Variants in CYSLTR1 observed in about 807,000 individuals in gnomAD.
CYSLTR1 encodes the protein G-protein coupled receptor HG55.
CYSLTR1 carries 1 observed loss-of-function variant against 2.1 expected under a neutral mutation model. The ratio of observed to expected loss-of-function variants is 0.48; its 90% CI spans 0.17 to 2.28. The LOEUF (loss-of-function observed/expected upper bound fraction) is 2.28. Among genes scored for constraint, CYSLTR1 ranks in the 30% most tolerant of loss-of-function variants. CYSLTR1 has a pLI of 0.26. For synonymous variants in CYSLTR1, 110 were observed against 89.6 expected, an observed-to-expected ratio of 1.23 and a Z score of -1.28; for missense variants, 299 against 250.1, an observed-to-expected ratio of 1.20 and a Z score of -1.32.
intron 1 of CYSLTR1, among the ~76,000 whole-genome samples, chrX:78,305,399 G>T (rs765177025): frequency 6.3e-5 from 7 of 111,620 alleles, no homozygotes; most frequent in Non-Finnish European, 1.1e-4. Flanking sequence ...ATCCCTAAAA[G>T]CAAACAAACT....
At chrX:78,308,478 A>G (rs924893866) in intron 1 of CYSLTR1, among the ~76,000 whole-genome samples, 5 of 111,302 alleles carry the variant, frequency 4.5e-5, no homozygotes, top group African/African-American at 1.6e-4. Flanking sequence ...CTGGAAATGG[A>G]GCCTCTAAGT....
intron 1 of CYSLTR1, among the ~76,000 whole-genome samples, chrX:78,314,325 G>C (rs1387933760): frequency 9.0e-6 from 1 of 111,402 alleles, no homozygotes; most frequent in Non-Finnish European, 1.9e-5. Context: ...GCTCTTCTTT[G>C]TACTTTTCAA....
At chrX:78,313,525 A>T (rs966613848) in intron 1 of CYSLTR1, among the ~76,000 whole-genome samples, 4 of 112,310 alleles carry the variant, frequency 3.6e-5, no homozygotes, top group South Asian at 7.4e-4. Context: ...ATAATAGCTA[A>T]AAGTAAAATT....
chrX:78,290,941 C>T (rs1403331956), intron 1 of CYSLTR1, among the ~76,000 whole-genome samples: 6 of 111,611 alleles, frequency 5.4e-5, no homozygotes, highest in South Asian at 7.5e-4. Flanking sequence ...AGTTGAATAC[C>T]CTTTATTTCT....
At chrX:78,285,022 G>GAGTTGTCTTT in intron 1 of CYSLTR1, among the ~76,000 whole-genome samples, 2 of 110,875 alleles carry the variant, frequency 1.8e-5, no homozygotes, top group Admixed American at 1.9e-4. Flanking sequence ...AAATTACTCA[G>GAGTTGTCTTT]AGTTGTCTTT....
intron 2 of CYSLTR1, among the ~76,000 whole-genome samples, chrX:78,280,343 C>A (rs1370404579): frequency 9.0e-6 from 1 of 111,026 alleles, no homozygotes; most frequent in Non-Finnish European, 1.9e-5. Flanking sequence ...CTAGATAGTG[C>A]TGTTGAAAAT....
intron 1 of CYSLTR1, among the ~76,000 whole-genome samples, chrX:78,298,654 G>A (rs1298821276): frequency 9.0e-6 from 1 of 111,105 alleles, no homozygotes. Context: ...TATATTTTTG[G>A]GTTGAAATCT....
At chrX:78,298,968 A>G (rs1471529619) in intron 1 of CYSLTR1, among the ~76,000 whole-genome samples, 3 of 108,138 alleles carry the variant, frequency 2.8e-5, no homozygotes, top group African/African-American at 1.0e-4. Flanking sequence ...TTTTCTTCCC[A>G]TTTTCAGTGC....
At position 78,272,702 on chromosome X, in the gene CYSLTR1, T is replaced by A. The variant is rs759037588; in HGVS notation, c.*31A>T. On this transcript the variant is annotated 3_prime_UTR_variant, in exon 3 of 3. Coordinates refer to ENST00000373304, the MANE Select transcript of CYSLTR1 (RefSeq NM_006639.4). Reference sequence around the variant, plus strand: ...CAAAATACTTATTTGGGAAACTATTTTCATTGGTTTGGACTGGAAATGGGT... The same window carrying A: ...CAAAATACTTATTTGGGAAACTATTATCATTGGTTTGGACTGGAAATGGGT... 5.6e-6 allele frequency: 6 copies of A among 1,079,853 alleles called. No homozygotes were observed. The South Asian group carries it at 1.8e-4, about 32-fold the overall frequency. The allele number at this position is 1,079,853 out of a possible 1,213,427, so 89.0% of individuals were successfully genotyped here. A position where few individuals can be genotyped will look rare whatever the true frequency, so the allele number is the denominator to read the frequency against.
rs1214487897 is a variant in CYSLTR1, at chrX:78,273,646, G to C, written c.101C>G (p.Ser34Cys). 1 of 1,209,968 alleles carries C rather than the reference G, an allele frequency of 8.3e-7. No homozygotes were observed. Among genetic ancestry groups the C allele is most frequent in the Non-Finnish European group, 1.1e-6 (1 of 895,209 alleles). Reference protein sequence around the residue: ...QVYSTLYSMISVVGFFGNGFV... With the variant: ...QVYSTLYSMICVVGFFGNGFV... ...GCCATTGCCAAAGAAGCCTACAACAGAGATCATAGAGTACAAGGTGGAATA... is the reference window on the plus strand; with the variant it reads ...GCCATTGCCAAAGAAGCCTACAACACAGATCATAGAGTACAAGGTGGAATA... Residue 34 changes from serine to cysteine, a missense_variant, in exon 3 of 3, where the codon TCT (serine) becomes TGT (cysteine). Ser to Cys is a moderately radical substitution (Grantham distance 112, BLOSUM62 -1). Transcript: ENST00000373304.
At chrX:78,316,015 C>T (rs1219834461) in intron 1 of CYSLTR1, among the ~76,000 whole-genome samples, 5 of 112,260 alleles carry the variant, frequency 4.5e-5, no homozygotes, top group Non-Finnish European at 9.4e-5. Flanking sequence ...ATGCTTGTGT[C>T]ACTCCACCCT....
At chrX:78,281,788 A>G (rs971049778) in intron 2 of CYSLTR1, among the ~76,000 whole-genome samples, 1 of 112,282 alleles carries the variant, frequency 8.9e-6, no homozygotes, top group Non-Finnish European at 1.9e-5. Context: ...AAGGTATTAG[A>G]TAATTACCAG....
intron 1 of CYSLTR1, among the ~76,000 whole-genome samples, chrX:78,312,148 A>T (rs1191645586): frequency 9.0e-6 from 1 of 111,481 alleles, no homozygotes; most frequent in African/African-American, 3.3e-5. Flanking sequence ...CACCAATGGA[A>T]CACAATATAG....
intron 1 of CYSLTR1, among the ~76,000 whole-genome samples, chrX:78,287,854 C>T (rs1239152223): frequency 9.0e-6 from 1 of 110,995 alleles, no homozygotes; most frequent in Non-Finnish European, 1.9e-5. Flanking sequence ...TATTCACTGT[C>T]TTGATTATGA....
chrX:78,296,716 C>G (rs749404449), intron 1 of CYSLTR1, among the ~76,000 whole-genome samples: 47 of 111,211 alleles, frequency 4.2e-4, no homozygotes, highest in Admixed American at 6.7e-4. Context: ...TATAGAAATG[C>G]TACTGATTTT....
At chrX:78,316,291 A>G (rs1923416200) in intron 1 of CYSLTR1, among the ~76,000 whole-genome samples, 1 of 112,057 alleles carries the variant, frequency 8.9e-6, no homozygotes, top group Non-Finnish European at 1.9e-5. Flanking sequence ...CACAGGGTGT[A>G]AGAAGTTTCC....
At chrX:78,297,701 T>C (rs1212171158) in intron 1 of CYSLTR1, among the ~76,000 whole-genome samples, 1 of 111,667 alleles carries the variant, frequency 9.0e-6, no homozygotes, top group Non-Finnish European at 1.9e-5. Flanking sequence ...AATAATCCTT[T>C]GAATTTCTGC....
intron 2 of CYSLTR1, among the ~76,000 whole-genome samples, chrX:78,283,231 G>C (rs1181209365): frequency 8.9e-6 from 1 of 112,008 alleles, no homozygotes; most frequent in African/African-American, 3.2e-5. Flanking sequence ...CCTTCAAGCA[G>C]CTCATTTTCT....
At chrX:78,319,237 T>G (rs906510076) in intron 1 of CYSLTR1, 2 of 105,455 alleles carry the variant, frequency 1.9e-5, no homozygotes, top group African/African-American at 6.9e-5. Flanking sequence ...TAACATTAGG[T>G]ATATCTCTTA....
Sources: gnomAD v4.1 joint callset for allele counts (sites outside exome capture counted in the v4.1 genomes callset) on GRCh38, gnomAD v4.1.1 for gene constraint, MANE v1.5 for transcripts, NCBI Gene and HGNC (gene_info 2026-07-23, HGNC 2026-07-21) for gene names.